The following SCML4 variants were observed in gnomAD, a reference collection of about 807,000 sequenced individuals.
SCML4 encodes the protein Scm polycomb group protein like 4, also known as sex comb on midleg-like protein 4.
SCML4 carries 34 observed loss-of-function variants against 41.1 expected under a neutral mutation model. The ratio of observed to expected loss-of-function variants is 0.83; its 90% CI spans 0.63 to 1.10. The LOEUF is 1.10. Among genes scored for constraint, SCML4 ranks in the 50% least tolerant of loss-of-function variants. The pLI is 0.00. For missense variants in SCML4, 522 were observed against 534.1 expected (o/e 0.98, Z 0.22); for synonymous variants, 214 against 220.9 (o/e 0.97, Z 0.28).
At chr6:107,807,954 T>C (rs552680998) in intron 1 of SCML4, among the ~76,000 whole-genome samples, 106 of 152,358 alleles carry the variant, frequency 7.0e-4, no homozygotes, top group Non-Finnish European at 1.2e-3. Context: ...AGCACTTCCA[T>C]GAATTAATTA....
Position 107,720,877 on chromosome 6 carries a change from G to T in SCML4, c.799C>A (p.Leu267Met). ...HRGSLHPSSSLYCKRQNSGDS... is the reference protein window; with the variant it reads ...HRGSLHPSSSMYCKRQNSGDS... The stretch of plus-strand genomic sequence containing the variant: ...CCAGAGTTCTGCCTCTTGCAGTACA[G>T]CGAGGAGGAGGGGTGCAAGGAGCCC... Residue 267 changes from leucine (L) to methionine (M), a missense_variant, in exon 6 of 8, where the codon CTG becomes ATG. Physicochemically the swap from Leu to Met is conservative, Grantham distance 15. Transcript: ENST00000369020. 3 of 1,614,238 alleles carry T rather than the reference G, an allele frequency of 1.9e-6. No individual in the cohort carries two copies. Among genetic ancestry groups the T allele is most frequent in the Non-Finnish European group, 2.5e-6 (3 of 1,180,038 alleles).
chr6:107,781,148 A>G (rs1158448314), intron 1 of SCML4, among the ~76,000 whole-genome samples: 1 of 152,022 alleles, frequency 6.6e-6, no homozygotes, highest in Non-Finnish European at 1.5e-5. Context: ...AGAAAGTTAG[A>G]GTTTAAGGCC....
chr6:107,740,344 C>A (rs191061489), intron 5 of SCML4, among the ~76,000 whole-genome samples: 1 of 152,124 alleles, frequency 6.6e-6, no homozygotes, highest in African/African-American at 2.4e-5. Flanking sequence ...GTTGTAGAGG[C>A]GGAGAAACAG....
chr6:107,834,813 C>T, the SCML4 span, among the ~76,000 whole-genome samples: 1 of 151,840 alleles, frequency 6.6e-6, no homozygotes, highest in African/African-American at 2.4e-5. Flanking sequence ...GACATGGCAG[C>T]AGGCACCTGT....
chr6:107,737,252 CAG>C (rs1777162882), intron 5 of SCML4, among the ~76,000 whole-genome samples: 1 of 152,178 alleles, frequency 6.6e-6, no homozygotes. Flanking sequence ...CTGGGGAGAA[CAG>C]AGGGATACCT....
chr6:107,743,892 T>C (rs1777816828), intron 5 of SCML4: 2 of 152,242 alleles, frequency 1.3e-5, no homozygotes, highest in African/African-American at 4.8e-5. Flanking sequence ...GCCTCTCTTA[T>C]GATAAGTATC....
the SCML4 span, among the ~76,000 whole-genome samples, chr6:107,831,314 T>C: frequency 3.4e-4 from 51 of 149,164 alleles, no homozygotes; most frequent in African/African-American, 1.2e-3. Flanking sequence ...ATCTCCAAGA[T>C]GGGTTTCTTA....
chr6:107,742,110 G>C (rs1777645069), intron 5 of SCML4, among the ~76,000 whole-genome samples: 1 of 151,892 alleles, frequency 6.6e-6, no homozygotes, highest in Admixed American at 6.6e-5. Context: ...AAATCAAACA[G>C]AAATATTCAA....
chr6:107,724,982 C>A (rs1775814246), intron 5 of SCML4, among the ~76,000 whole-genome samples: 1 of 152,170 alleles, frequency 6.6e-6, no homozygotes, highest in South Asian at 2.1e-4. Flanking sequence ...TATGTGGGAG[C>A]TAAAAAAGTG....
intron 1 of SCML4, among the ~76,000 whole-genome samples, chr6:107,783,895 TC>T (rs1313658299): frequency 2.6e-5 from 4 of 152,142 alleles, no homozygotes; most frequent in African/African-American, 7.2e-5. Flanking sequence ...TGGCTCCAGC[TC>T]CCTCTGAACA....
intron 1 of SCML4, among the ~76,000 whole-genome samples, chr6:107,786,571 G>A (rs958537004): frequency 2.6e-5 from 4 of 152,140 alleles, no homozygotes; most frequent in African/African-American, 9.7e-5. Context: ...ATATGCTTGA[G>A]CTCCTTGGAG....
chr6:107,709,118 T>C (rs974725659), intron 6 of SCML4, among the ~76,000 whole-genome samples: 1 of 152,176 alleles, frequency 6.6e-6, no homozygotes, highest in Admixed American at 6.5e-5. Context: ...GTCCTTTTCT[T>C]CCTACTGCCT....
intron 2 of SCML4, among the ~76,000 whole-genome samples, chr6:107,752,025 G>A (rs1243654084): frequency 1.3e-5 from 2 of 152,186 alleles, no homozygotes; most frequent in Admixed American, 1.3e-4. Flanking sequence ...TGACAGTAGG[G>A]TGGATTGTGG....
the SCML4 span, among the ~76,000 whole-genome samples, chr6:107,830,393 G>A: frequency 6.6e-6 from 1 of 152,176 alleles, no homozygotes; most frequent in Non-Finnish European, 1.5e-5. Flanking sequence ...TGGAAGCACA[G>A]CCCAGAGACC....
intron 3 of SCML4, 66 bp downstream of exon 3, chr6:107,749,618 A>G (rs1778430094): frequency 1.3e-6 from 2 of 1,573,566 alleles, no homozygotes; most frequent in Non-Finnish European, 1.7e-6. Context: ...CAAAGTAACA[A>G]TTAGATGGTA....
At chr6:107,761,843 T>C (rs1420713866) in intron 2 of SCML4, among the ~76,000 whole-genome samples, 1 of 151,234 alleles carries the variant, frequency 6.6e-6, no homozygotes, top group Non-Finnish European at 1.5e-5. Context: ...AAAATAAAGA[T>C]ACTTCTAAAC....
chr6:107,812,069 T>G (rs1784195663), intron 1 of SCML4, among the ~76,000 whole-genome samples: 2 of 152,242 alleles, frequency 1.3e-5, no homozygotes, highest in Admixed American at 6.5e-5. Flanking sequence ...CAGGGAGGCT[T>G]AACTGCAGAT....
the SCML4 span, among the ~76,000 whole-genome samples, chr6:107,842,888 T>C: frequency 2.0e-5 from 3 of 152,224 alleles, no homozygotes; most frequent in Non-Finnish European, 1.5e-5. Context: ...TTTCTTATTA[T>C]GTAACATTAC....
At chr6:107,771,168 T>C (rs1336978324) in intron 2 of SCML4, among the ~76,000 whole-genome samples, 1 of 152,172 alleles carries the variant, frequency 6.6e-6, no homozygotes, top group Non-Finnish European at 1.5e-5. Context: ...TTTCCAGCAT[T>C]TGGAAGAACT....
Sources: gnomAD v4.1 joint callset for allele counts (sites outside exome capture counted in the v4.1 genomes callset) on GRCh38, gnomAD v4.1.1 for gene constraint, MANE v1.5 for transcripts, NCBI Gene and HGNC (gene_info 2026-07-23, HGNC 2026-07-21) for gene names.